Variants in CADPS2 observed in about 807,000 individuals in gnomAD.
CADPS2 encodes calcium-dependent secretion activator 2.
A neutral mutation model predicts 172.5 loss-of-function variants in CADPS2; 93 were observed. The ratio of observed to expected loss-of-function variants is 0.54; its 90% CI spans 0.46 to 0.64. CADPS2 has a LOEUF of 0.64. Among genes scored for constraint, CADPS2 ranks in the 30% least tolerant of loss-of-function variants. The pLI is 0.00. For missense variants in CADPS2, 1,420 were observed against 1,565.9 expected (o/e 0.91, Z 1.57); for synonymous variants, 546 against 555.2 (o/e 0.98, Z 0.23).
intron 27 of CADPS2, among the ~76,000 whole-genome samples, chr7:122,347,053 A>G (rs1185932685): frequency 6.6e-6 from 1 of 152,194 alleles, no homozygotes; most frequent in Non-Finnish European, 1.5e-5. Context: ...GGTAGGTAGA[A>G]CTGATGCCCA....
intron 1 of CADPS2, among the ~76,000 whole-genome samples, chr7:122,795,205 T>C (rs1334794532): frequency 6.6e-6 from 1 of 151,092 alleles, no homozygotes; most frequent in Non-Finnish European, 1.5e-5. Context: ...AAAAAATTAA[T>C]AGATCACTAG....
chr7:122,655,594 G>A (rs1437343218), intron 3 of CADPS2, among the ~76,000 whole-genome samples: 1 of 150,246 alleles, frequency 6.7e-6, no homozygotes, highest in Non-Finnish European at 1.5e-5. Context: ...AATTTTATAT[G>A]CAGTGTGAAA....
chr7:122,886,372 C>G lies in CADPS2; in HGVS notation c.-35G>C, dbSNP rs757474747. The G allele has an allele frequency of 6.1e-6, 9 of 1,482,888 alleles. No individual in the cohort carries two copies. Among genetic ancestry groups the G allele is most frequent in the Non-Finnish European group, 8.0e-6 (9 of 1,125,654 alleles). The allele number at this position is 1,482,888 out of a possible 1,614,324, so 91.9% of individuals were successfully genotyped here. A position where few individuals can be genotyped will look rare whatever the true frequency, so the allele number is the denominator to read the frequency against. ...GGATCCCCGCCGCTCGGCCCGCGGT[C>G]CCCAAGCGCCTCACCCCCGGCGGCT... On this transcript the variant is annotated 5_prime_UTR_variant, in exon 1 of 30. Coordinates refer to ENST00000449022, the MANE Select transcript of CADPS2 (RefSeq NM_017954.11).
At chr7:122,800,857 G>A (rs1563050918) in intron 1 of CADPS2, among the ~76,000 whole-genome samples, 1 of 152,036 alleles carries the variant, frequency 6.6e-6, no homozygotes, top group Non-Finnish European at 1.5e-5. Flanking sequence ...CGGGCGTGGT[G>A]GCACATGCCT....
chr7:122,884,013 T>G (rs1585155107), intron 1 of CADPS2, among the ~76,000 whole-genome samples: 1 of 152,310 alleles, frequency 6.6e-6, no homozygotes, highest in Admixed American at 6.5e-5. Flanking sequence ...AAAAATGCAC[T>G]ATTTGAACAG....
intron 11 of CADPS2, among the ~76,000 whole-genome samples, chr7:122,486,583 T>C (rs575487967): frequency 6.6e-6 from 1 of 152,234 alleles, no homozygotes. Context: ...AATCTACTTC[T>C]GGTGAAGATG....
intron 1 of CADPS2, among the ~76,000 whole-genome samples, chr7:122,818,503 C>T (rs1166033377): frequency 2.6e-5 from 4 of 152,082 alleles, no homozygotes; most frequent in Non-Finnish European, 5.9e-5. Context: ...CTTTCCCTCC[C>T]GCCTGTCCCC....
chr7:122,869,766 T>C (rs1819267998), intron 1 of CADPS2, among the ~76,000 whole-genome samples: 1 of 152,140 alleles, frequency 6.6e-6, no homozygotes, highest in Non-Finnish European at 1.5e-5. Context: ...AGAGCTTTAA[T>C]AATTTGCTAA....
intron 2 of CADPS2, among the ~76,000 whole-genome samples, chr7:122,691,755 T>C (rs567000816): frequency 5.3e-5 from 8 of 152,240 alleles, no homozygotes; most frequent in African/African-American, 1.9e-4. Flanking sequence ...AGTGGCACCA[T>C]CCCAGTTCTA....
At chr7:122,847,253 A>C (rs1381559512) in intron 1 of CADPS2, among the ~76,000 whole-genome samples, 1 of 152,086 alleles carries the variant, frequency 6.6e-6, no homozygotes, top group Non-Finnish European at 1.5e-5. Flanking sequence ...TACCCAGCTA[A>C]CTTTTGTATT....
chr7:122,466,649 T>TA (rs925811789), intron 14 of CADPS2, among the ~76,000 whole-genome samples: 19 of 152,162 alleles, frequency 1.2e-4, no homozygotes, highest in Non-Finnish European at 2.1e-4. Context: ...ATACACTGCA[T>TA]AAAAAAATTA....
intron 2 of CADPS2, among the ~76,000 whole-genome samples, chr7:122,691,434 T>C (rs2084347290): frequency 6.6e-6 from 1 of 152,182 alleles, no homozygotes. Context: ...TGTGGTCACA[T>C]GCACATTCAG....
chr7:122,589,009 T>C (rs1397785201), intron 6 of CADPS2, among the ~76,000 whole-genome samples: 3 of 152,002 alleles, frequency 2.0e-5, no homozygotes, highest in East Asian at 1.9e-4. Context: ...ACTGAAAGCA[T>C]ACAATGTGTC....
At chr7:122,708,520 GATATAT>G (rs57522086) in intron 2 of CADPS2, among the ~76,000 whole-genome samples, 475 of 115,948 alleles carry the variant, frequency 4.1e-3, no homozygotes, top group Non-Finnish European at 4.9e-3. Context: ...TTGTATTCGA[GATATAT>G]ATATATATAT....
Position 122,801,600 on chromosome 7 carries a change from T to C in CADPS2, c.340-64532A>G, listed in dbSNP as rs535593742. Reference sequence around the variant, plus strand: ...AAAAAGACAAGGATACCTATTATCATTGCTACTATAAAGTTACATAATGGA... The same window carrying C: ...AAAAAGACAAGGATACCTATTATCACTGCTACTATAAAGTTACATAATGGA... On this transcript the variant is annotated intron_variant, in intron 1 of 29. Transcript: ENST00000449022. 3.3e-5 allele frequency among the ~76,000 whole-genome samples: 5 copies of C among 152,274 alleles called. No homozygotes were observed. The South Asian group carries it at 1.0e-3, about 32-fold the overall frequency.
At chr7:122,656,650 T>G (rs1361687345) in intron 3 of CADPS2, among the ~76,000 whole-genome samples, 2 of 152,056 alleles carry the variant, frequency 1.3e-5, no homozygotes, top group Non-Finnish European at 2.9e-5. Flanking sequence ...AACACAGCTC[T>G]AGGATGACAA....
intron 22 of CADPS2, 34 bp from the exon 23 acceptor site, chr7:122,388,772 TC>T: frequency 6.4e-7 from 1 of 1,563,158 alleles, no homozygotes; most frequent in Non-Finnish European, 8.7e-7. Flanking sequence ...CATCATGAAC[TC>T]CCCGTTAATT....
rs568834298 is a variant in CADPS2 at position 122,756,874 on chromosome 7, T to C, written c.340-19806A>G. ...AAGATTGCGCCACTGCACTCCAGCCTGGGGAACAGAGCAAGACTCCCTCTC... is the reference window on the plus strand; with the variant it reads ...AAGATTGCGCCACTGCACTCCAGCCCGGGGAACAGAGCAAGACTCCCTCTC... On this transcript the variant is annotated intron_variant, in intron 1 of 29. Transcript: ENST00000449022. Among the ~76,000 whole-genome samples the C allele has an allele frequency of 6.6e-5, 10 of 150,918 alleles. No individual in the cohort carries two copies. In the South Asian group the frequency reaches 2.1e-3, roughly 32 times the overall value.
At chr7:122,795,818 C>G (rs1470323989) in intron 1 of CADPS2, among the ~76,000 whole-genome samples, 1 of 152,140 alleles carries the variant, frequency 6.6e-6, no homozygotes, top group Non-Finnish European at 1.5e-5. Context: ...GATGCCCTCT[C>G]TCACCACTCC....
Sources: gnomAD v4.1 joint callset for allele counts (sites outside exome capture counted in the v4.1 genomes callset) on GRCh38, gnomAD v4.1.1 for gene constraint, MANE v1.5 for transcripts, NCBI Gene and HGNC (gene_info 2026-07-23, HGNC 2026-07-21) for gene names.